CELF2: variants seen among roughly 807,000 people sequenced by gnomAD.
CELF2 encodes the protein CUG triplet repeat RNA-binding protein 2.
In CELF2, 8 loss-of-function variants were observed where a neutral mutation model predicts 62.6. The observed-to-expected ratio is 0.13, with a 90% CI of 0.07 to 0.23. The LOEUF is 0.23. Ranked by LOEUF, CELF2 falls within the 10% of genes least tolerant of loss-of-function variation. CELF2 has a pLI of 1.00. For missense variants in CELF2, 333 were observed against 671.0 expected (o/e 0.50, Z 5.56); for synonymous variants, 258 against 250.0 (o/e 1.03, Z -0.30).
At chr10:11,088,297 C>CA (rs1269301594) in intron 1 of CELF2, among the ~76,000 whole-genome samples, 2 of 152,216 alleles carry the variant, frequency 1.3e-5, no homozygotes, top group African/African-American at 4.8e-5. Flanking sequence ...TGCGTAGAAA[C>CA]ACTTCGGACA....
At chr10:10,662,578 G>A in the CELF2 span, among the ~76,000 whole-genome samples, 5,137 of 152,246 alleles carry the variant, frequency 0.034, 202 homozygotes, top group Admixed American at 0.083. Context: ...CGTGACAAAA[G>A]GGAAATTTGT....
chr10:11,052,450 G>C lies in CELF2; in HGVS notation c.74+34287G>C, dbSNP rs80280581. 1.9e-3 allele frequency among the ~76,000 whole-genome samples: 287 copies of C among 152,216 alleles called. 2 individuals carry two copies. Among genetic ancestry groups the C allele is most frequent in the Non-Finnish European group, 3.6e-3 (243 of 68,008 alleles). On this transcript the variant is annotated intron_variant, in intron 1 of 12. Coordinates refer to ENST00000633077, the MANE Select transcript of CELF2 (RefSeq NM_001326342.2). ...CTGTTACTGACCTGTAGGTTGTTTG[G>C]GCTCAGATGCTGATGCTTGTTTCCT...
At chr10:10,749,322 C>A in the CELF2 span, among the ~76,000 whole-genome samples, 1 of 152,148 alleles carries the variant, frequency 6.6e-6, no homozygotes, top group African/African-American at 2.4e-5. Flanking sequence ...ACCTTCTACT[C>A]CCTCTATAAT....
At chr10:11,093,153 TGTTAA>T (rs1420399338) in intron 1 of CELF2, among the ~76,000 whole-genome samples, 3 of 152,218 alleles carry the variant, frequency 2.0e-5, no homozygotes, top group Admixed American at 2.0e-4. Context: ...TTGCATCTGC[TGTTAA>T]GTTGAGTTCT....
At chr10:10,515,892 T>C in the CELF2 span, among the ~76,000 whole-genome samples, 1 of 152,240 alleles carries the variant, frequency 6.6e-6, no homozygotes, top group Non-Finnish European at 1.5e-5. Context: ...TGATGGATGA[T>C]GTCACTTAAT....
chr10:11,321,414 G>A lies in CELF2; in HGVS notation c.1294+28G>A. ...AGGTGCCGCCCTTGGCCCCAGGCAG[G>A]GCCCAGCCCAACAGGCAGCACTGGC... On this transcript the variant is annotated intron_variant, in intron 11 of 12. Coordinates refer to ENST00000633077, the MANE Select transcript of CELF2 (RefSeq NM_001326342.2). This position sits in a 1 kb window ranked among gnomAD's most constrained non-coding sequence, Gnocchi z 6.2. 1 of 1,591,736 alleles carries A rather than the reference G, an allele frequency of 6.3e-7. No homozygotes were observed.
At chr10:10,964,935 GA>G (rs1438101256) in intron 2 of CELF2, among the ~76,000 whole-genome samples, 1 of 151,878 alleles carries the variant, frequency 6.6e-6, no homozygotes, top group Non-Finnish European at 1.5e-5. Flanking sequence ...AGCTGGACAT[GA>G]AAAAAACTCT....
chr10:11,023,859 G>A (rs1377126456), intron 1 of CELF2, among the ~76,000 whole-genome samples: 1 of 152,212 alleles, frequency 6.6e-6, no homozygotes, highest in African/African-American at 2.4e-5. Flanking sequence ...GATACTAAAA[G>A]TGATGTTTTA....
intron 1 of CELF2, among the ~76,000 whole-genome samples, chr10:10,837,827 T>C (rs1232163146): frequency 6.6e-6 from 1 of 152,142 alleles, no homozygotes; most frequent in Non-Finnish European, 1.5e-5. Context: ...ACTTTTTTTT[T>C]CCACTTTAGT....
rs2082417691 is a variant in CELF2 at position 11,267,289 on chromosome 10, T to C, written c.618+612T>C. ...AAGAAACATAATAAAGGCTCAAATG[T>C]GGTCTCCTAATGAGAGATCATGGCT... On this transcript the variant is annotated intron_variant, in intron 6 of 12. Transcript: ENST00000633077. The surrounding 1 kb of genome is among the most constrained non-coding windows in gnomAD (Gnocchi z 4.4). Among the ~76,000 whole-genome samples, 2 of 152,366 alleles carry C rather than the reference T, an allele frequency of 1.3e-5. No homozygotes were observed. Among genetic ancestry groups the C allele is most frequent in the South Asian group, 4.1e-4 (2 of 4,826 alleles).
chr10:10,530,270 A>G, the CELF2 span, among the ~76,000 whole-genome samples: 1 of 152,224 alleles, frequency 6.6e-6, no homozygotes, highest in African/African-American at 2.4e-5. Flanking sequence ...TTTATACAGG[A>G]TAAAAAGATT....
the CELF2 span, among the ~76,000 whole-genome samples, chr10:10,696,176 T>A: frequency 6.6e-6 from 1 of 152,036 alleles, no homozygotes; most frequent in Non-Finnish European, 1.5e-5. Flanking sequence ...TACAGATGGG[T>A]TTTTGGTGTG....
the CELF2 span, among the ~76,000 whole-genome samples, chr10:10,666,139 G>T: frequency 1.3e-5 from 2 of 152,104 alleles, no homozygotes; most frequent in African/African-American, 4.8e-5. Context: ...AATCTACTCA[G>T]CCTGAGAGTG....
At chr10:10,666,379 C>T in the CELF2 span, among the ~76,000 whole-genome samples, 215 of 152,268 alleles carry the variant, frequency 1.4e-3, 1 homozygote, top group African/African-American at 4.7e-3. Context: ...TGACCACACA[C>T]GCTCCTCCAC....
At chr10:11,033,024 G>A (rs1394897766) in intron 1 of CELF2, among the ~76,000 whole-genome samples, 1 of 152,122 alleles carries the variant, frequency 6.6e-6, no homozygotes, top group Non-Finnish European at 1.5e-5. Context: ...AAATAACTTT[G>A]GGGTCCAGGT....
rs1439575176 is a variant in CELF2, at chr10:11,247,289, C to A, written c.355-1864C>A. ...GTGTTGCCCACCTTCACCGCCCCTT[C>A]CCGTGGTCCTCCATGCTCACACTGG... On this transcript the variant is annotated intron_variant, in intron 3 of 12. Coordinates refer to ENST00000633077, the MANE Select transcript of CELF2 (RefSeq NM_001326342.2). The surrounding 1 kb of genome is among the most constrained non-coding windows in gnomAD (Gnocchi z 5.4). Among the ~76,000 whole-genome samples the A allele has an allele frequency of 6.6e-6, 1 of 152,234 alleles. No individual in the cohort carries two copies. Among genetic ancestry groups the A allele is most frequent in the African/African-American group, 2.4e-5 (1 of 41,448 alleles).
chr10:10,839,083 T>C (rs1217259263), intron 1 of CELF2, among the ~76,000 whole-genome samples: 1 of 151,470 alleles, frequency 6.6e-6, no homozygotes, highest in Non-Finnish European at 1.5e-5. Flanking sequence ...GAGGGGGAGG[T>C]TGCAGTGAGC....
Position 11,039,714 on chromosome 10 carries a change from C to T in CELF2, c.74+21551C>T, listed in dbSNP as rs1328823510. Among the ~76,000 whole-genome samples the T allele has an allele frequency of 1.3e-5, 2 of 152,126 alleles. No individual in the cohort carries two copies. Among genetic ancestry groups the T allele is most frequent in the African/African-American group, 2.4e-5 (1 of 41,406 alleles). ...ATCATTGAACCAGGAACATTATGTA[C>T]CAGTTTTTAAGGCTAGTTTCATTTA... is the stretch of plus-strand genomic sequence containing the variant. On this transcript the variant is annotated intron_variant, in intron 1 of 12. Transcript: ENST00000633077. The surrounding 1 kb of genome is among the most constrained non-coding windows in gnomAD (Gnocchi z 4.1).
At chr10:10,904,049 G>A (rs187368283) in intron 1 of CELF2, among the ~76,000 whole-genome samples, 21 of 152,302 alleles carry the variant, frequency 1.4e-4, no homozygotes, top group African/African-American at 4.1e-4. Context: ...TGTGGATCAC[G>A]CTGCTGTGTT....
Sources: allele counts gnomAD v4.1 joint callset (sites outside exome capture counted in the v4.1 genomes callset), GRCh38; gene constraint gnomAD v4.1.1; non-coding constraint Gnocchi (gnomAD v3.1); transcripts MANE v1.5; gene names NCBI Gene and HGNC (gene_info 2026-07-23, HGNC 2026-07-21).